HS3ST4: variants seen among roughly 807,000 people sequenced by gnomAD.
HS3ST4 encodes the protein heparan sulfate-glucosamine 3-sulfotransferase 4, also known as heparan sulfate glucosamine 3-O-sulfotransferase 4.
In HS3ST4, 17 loss-of-function variants were observed where a neutral mutation model predicts 29.2. That is an observed-to-expected ratio of 0.58 (90% CI 0.40 to 0.87). HS3ST4 has a LOEUF of 0.87. Ranked by LOEUF, HS3ST4 falls within the 40% of genes least tolerant of loss-of-function variation. The probability of loss-of-function intolerance (pLI) is 0.00; values close to 1 mark genes in which losing one functional copy is unlikely to be tolerated. For missense variants in HS3ST4, 627 were observed against 634.5 expected, an observed-to-expected ratio of 0.99 and a Z score of 0.13; for synonymous variants, 314 against 285.7, an observed-to-expected ratio of 1.10 and a Z score of -1.00.
intron 1 of HS3ST4, among the ~76,000 whole-genome samples, chr16:25,932,491 C>A (rs943705317): frequency 3.9e-5 from 6 of 152,006 alleles, no homozygotes; most frequent in Admixed American, 2.6e-4. Flanking sequence ...TTTGCCCCTG[C>A]CTCTTGTCAA....
At chr16:25,886,648 C>T (rs1204600603) in intron 1 of HS3ST4, 1 of 152,198 alleles carries the variant, frequency 6.6e-6, no homozygotes, top group Non-Finnish European at 1.5e-5. Context: ...TCTGAGTAGA[C>T]AAGATATTTC....
intron 1 of HS3ST4, among the ~76,000 whole-genome samples, chr16:25,828,290 T>TC (rs1967250744): frequency 2.9e-5 from 2 of 69,440 alleles, no homozygotes; most frequent in Non-Finnish European, 2.8e-5. Context: ...CTTTCTTTCT[T>TC]TCTTTCTTTC....
chr16:26,017,063 A>G (rs191247207), intron 1 of HS3ST4, among the ~76,000 whole-genome samples: 99 of 152,306 alleles, frequency 6.5e-4, no homozygotes, highest in Non-Finnish European at 1.3e-3. Flanking sequence ...CCTGCCAACC[A>G]AGAGTGGACA....
intron 1 of HS3ST4, among the ~76,000 whole-genome samples, chr16:26,056,140 C>G (rs1219087262): frequency 3.3e-5 from 5 of 152,040 alleles, no homozygotes; most frequent in Non-Finnish European, 7.4e-5. Context: ...TTTGAATTAA[C>G]TTCCCCTCCC....
intron 1 of HS3ST4, among the ~76,000 whole-genome samples, chr16:26,096,287 A>AT (rs1898924979): frequency 6.6e-6 from 1 of 152,204 alleles, no homozygotes; most frequent in African/African-American, 2.4e-5. Flanking sequence ...CAGAGACACA[A>AT]CAAAAAAAGA....
intron 1 of HS3ST4, among the ~76,000 whole-genome samples, chr16:26,001,942 G>A (rs1183531944): frequency 1.3e-5 from 2 of 152,122 alleles, no homozygotes; most frequent in African/African-American, 4.8e-5. Flanking sequence ...TAAAGAGGGA[G>A]TTTTCAGGAC....
chr16:25,994,214 T>C (rs1435294538), intron 1 of HS3ST4, among the ~76,000 whole-genome samples: 1 of 152,162 alleles, frequency 6.6e-6, no homozygotes, highest in African/African-American at 2.4e-5. Flanking sequence ...AACATCCCCA[T>C]TGCTCTTAGT....
chr16:26,049,470 CTGTGTGTG>C (rs113562359), intron 1 of HS3ST4, among the ~76,000 whole-genome samples: 1 of 144,982 alleles, frequency 6.9e-6, no homozygotes, highest in Admixed American at 6.9e-5. Flanking sequence ...ATGCGTGCCT[CTGTGTGTG>C]TGTGTGTGTG....
rs78777430 is a variant in HS3ST4 at position 26,103,958 on chromosome 16, A to G, written c.735-31654A>G. ...ATAAATACACACTCACACACGAAATACAAAGTTAAATTGAAATGCTCTTAA... is the reference window on the plus strand; with the variant it reads ...ATAAATACACACTCACACACGAAATGCAAAGTTAAATTGAAATGCTCTTAA... On this transcript the variant is annotated intron_variant, in intron 1 of 1. Transcript: ENST00000331351. Among the ~76,000 whole-genome samples the G allele has an allele frequency of 1.7e-3, 263 of 152,340 alleles. 7 individuals are homozygous for G. In the East Asian group the frequency reaches 0.047, roughly 27 times the overall value.
At chr16:25,740,962 G>A (rs751599766) in intron 1 of HS3ST4, among the ~76,000 whole-genome samples, 4 of 152,122 alleles carry the variant, frequency 2.6e-5, no homozygotes, top group Non-Finnish European at 5.9e-5. Context: ...TCTCATTACT[G>A]GGCCTAGCAT....
intron 1 of HS3ST4, among the ~76,000 whole-genome samples, chr16:26,126,439 C>T (rs781349111): frequency 6.6e-6 from 1 of 152,180 alleles, no homozygotes; most frequent in African/African-American, 2.4e-5. Context: ...CACATGAACT[C>T]ATTTCATTTT....
chr16:25,706,831 T>C lies in HS3ST4; in HGVS notation c.734+13680T>C, dbSNP rs577460861. Among the ~76,000 whole-genome samples, 6 of 152,350 alleles carry C rather than the reference T, an allele frequency of 3.9e-5. 1 individual carries two copies. The South Asian group carries it at 1.2e-3, about 32-fold the overall frequency. Reference sequence around the variant, plus strand: ...ATTATTTGGTTGGAGCCAATGTAATTCCAAGGAATTGTATACAGAAGGCTT... The same window carrying C: ...ATTATTTGGTTGGAGCCAATGTAATCCCAAGGAATTGTATACAGAAGGCTT... On this transcript the variant is annotated intron_variant, in intron 1 of 1. Transcript: ENST00000331351.
At chr16:25,895,712 A>G (rs150261940) in intron 1 of HS3ST4, among the ~76,000 whole-genome samples, 78 of 150,796 alleles carry the variant, frequency 5.2e-4, no homozygotes, top group African/African-American at 1.8e-3. Context: ...TTCTTGCTGT[A>G]TACTCACACA....
chr16:25,709,925 T>C (rs942757391), intron 1 of HS3ST4, among the ~76,000 whole-genome samples: 2 of 152,100 alleles, frequency 1.3e-5, no homozygotes, highest in Admixed American at 1.3e-4. Flanking sequence ...ATTCTTCAAA[T>C]AGCAAGTGAA....
At chr16:25,913,253 G>A (rs1439547111) in intron 1 of HS3ST4, among the ~76,000 whole-genome samples, 1 of 152,252 alleles carries the variant, frequency 6.6e-6, no homozygotes, top group Non-Finnish European at 1.5e-5. Flanking sequence ...CTCATGTGCT[G>A]AAACCTAACC....
chr16:25,931,860 T>A (rs1275503618), intron 1 of HS3ST4, among the ~76,000 whole-genome samples: 3 of 152,200 alleles, frequency 2.0e-5, no homozygotes, highest in Non-Finnish European at 4.4e-5. Context: ...TTCCTTCAAG[T>A]CTTCCCAGCT....
At chr16:26,011,697 TGTGTGTGAGA>T (rs1283963580) in intron 1 of HS3ST4, among the ~76,000 whole-genome samples, 373 of 97,678 alleles carry the variant, frequency 3.8e-3, no homozygotes, top group African/African-American at 0.023. Context: ...TGTGTGTGTG[TGTGTGTGAGA>T]GAGAGACAGA....
At chr16:25,953,680 T>G (rs891167643) in intron 1 of HS3ST4, among the ~76,000 whole-genome samples, 1 of 151,982 alleles carries the variant, frequency 6.6e-6, no homozygotes, top group Non-Finnish European at 1.5e-5. Flanking sequence ...GACTCTAGAG[T>G]TTGAGAGCAA....
intron 1 of HS3ST4, among the ~76,000 whole-genome samples, chr16:26,105,012 T>C (rs988545371): frequency 1.3e-5 from 2 of 152,110 alleles, no homozygotes; most frequent in Admixed American, 1.3e-4. Context: ...ACCTTCTAAT[T>C]TCACCCACCT....
Sources: allele counts gnomAD v4.1 joint callset (sites outside exome capture counted in the v4.1 genomes callset), GRCh38; gene constraint gnomAD v4.1.1; transcripts MANE v1.5; gene names NCBI Gene and HGNC (gene_info 2026-07-23, HGNC 2026-07-21).